The following DAP variants were observed in gnomAD, a reference collection of about 807,000 sequenced individuals.
DAP encodes the protein death-associated protein 1.
In DAP, 8 loss-of-function variants were observed where a neutral mutation model predicts 13.8. The observed-to-expected ratio is 0.58, with a 90% CI of 0.34 to 1.05. The LOEUF is 1.05. Among genes scored for constraint, DAP ranks in the 50% least tolerant of loss-of-function variants. DAP has a pLI of 0.03. For missense variants in DAP, 106 were observed against 133.2 expected (o/e 0.80, Z 1.01); for synonymous variants, 47 against 47.5 (o/e 0.99, Z 0.04).
chr5:10,723,703 G>A (rs894082927), intron 2 of DAP, among the ~76,000 whole-genome samples: 2 of 152,180 alleles, frequency 1.3e-5, no homozygotes, highest in African/African-American at 4.8e-5. Flanking sequence ...CAGGCTCCAG[G>A]CCAGATACTA....
chr5:10,696,498 T>C (rs976114984), intron 2 of DAP, among the ~76,000 whole-genome samples: 2 of 152,218 alleles, frequency 1.3e-5, no homozygotes, highest in Non-Finnish European at 2.9e-5. Context: ...GAATCTCAGT[T>C]CAGATGAGCA....
intron 2 of DAP, among the ~76,000 whole-genome samples, chr5:10,706,551 T>G (rs1396342833): frequency 6.6e-6 from 1 of 152,188 alleles, no homozygotes; most frequent in African/African-American, 2.4e-5. Flanking sequence ...TCTTGAGAAT[T>G]TATTCAAATG....
At chr5:10,740,766 C>T (rs1182496246) in intron 2 of DAP, among the ~76,000 whole-genome samples, 8 of 152,212 alleles carry the variant, frequency 5.3e-5, no homozygotes, top group Non-Finnish European at 1.0e-4. Context: ...CTCCAGCAGA[C>T]ATTTACTATC....
chr5:10,725,827 A>G (rs914670964), intron 2 of DAP, among the ~76,000 whole-genome samples: 1 of 152,216 alleles, frequency 6.6e-6, no homozygotes, highest in Non-Finnish European at 1.5e-5. Flanking sequence ...TTACTTTGGT[A>G]ATGACCTTAG....
intron 1 of DAP, among the ~76,000 whole-genome samples, chr5:10,758,559 T>C (rs1046644524): frequency 3.3e-5 from 5 of 152,224 alleles, no homozygotes; most frequent in Admixed American, 1.3e-4. Flanking sequence ...TGCCCTGAAG[T>C]TACTAGAGGA....
At chr5:10,748,791 C>T (rs762020877) in intron 1 of DAP, among the ~76,000 whole-genome samples, 3 of 152,172 alleles carry the variant, frequency 2.0e-5, no homozygotes, top group South Asian at 2.1e-4. Flanking sequence ...GAAACCCTAC[C>T]GCTGGCAGAT....
At chr5:10,756,070 C>CAGGGAGATAATTCAGGGAGAATTACA (rs1554003737) in intron 1 of DAP, among the ~76,000 whole-genome samples, 7 of 143,108 alleles carry the variant, frequency 4.9e-5, no homozygotes, top group Admixed American at 1.4e-4. Context: ...ATCTCTTGAG[C>CAGGGAGATAATTCAGGGAGAATTACA]CCAGGAGGCC....
intron 2 of DAP, among the ~76,000 whole-genome samples, chr5:10,742,114 C>T: frequency 6.6e-6 from 1 of 151,456 alleles, no homozygotes; most frequent in South Asian, 2.1e-4. Flanking sequence ...CTAGTTACCT[C>T]CTTTCTTATA....
chr5:10,686,272 G>A (rs914915383), intron 2 of DAP, among the ~76,000 whole-genome samples: 4 of 152,104 alleles, frequency 2.6e-5, no homozygotes, highest in African/African-American at 7.2e-5. Context: ...ATTGAAATTA[G>A]GGCAATTAAC....
intron 2 of DAP, among the ~76,000 whole-genome samples, chr5:10,738,464 A>C (rs553961847): frequency 2.0e-5 from 3 of 152,306 alleles, no homozygotes; most frequent in East Asian, 3.9e-4. Flanking sequence ...GATCCAATGC[A>C]TCAAGAAGGA....
intron 2 of DAP, 26 bp from the exon 3 acceptor site, chr5:10,683,597 G>A (rs1388636320): frequency 1.2e-6 from 2 of 1,612,472 alleles, no homozygotes; most frequent in South Asian, 2.2e-5. Context: ...GGAAAAGGCA[G>A]ATTTAACAAA....
chr5:10,731,288 G>A (rs1034418182), intron 2 of DAP, among the ~76,000 whole-genome samples: 1 of 151,952 alleles, frequency 6.6e-6, no homozygotes, highest in Non-Finnish European at 1.5e-5. Flanking sequence ...TCTATTGAGA[G>A]CCCTGGTGGG....
chr5:10,754,634 T>G (rs267936), intron 1 of DAP, among the ~76,000 whole-genome samples: 141,221 of 152,244 alleles, frequency 0.93, 65,841 homozygotes, highest in Non-Finnish European at 0.97. Flanking sequence ...TTGCCGGACA[T>G]CTGACTGGGC....
In DAP at chr5:10,679,634, T is replaced by C. The variant is rs7973; in HGVS notation, c.*1422A>G. 14,427 of 152,382 alleles carry C rather than the reference T, an allele frequency of 0.095. 1,015 individuals carry two copies. The highest frequency in any genetic ancestry group is 0.19 in the African/African-American group (7,880 of 41,514). The allele number at this position is 152,382 out of a possible 1,614,324, so 9.4% of individuals were successfully genotyped here. A position where few individuals can be genotyped will look rare whatever the true frequency, so the allele number is the denominator to read the frequency against. ...TACCAACTGATCAGGAAATAGGTGGTGACAGGGCCTTGAAGGGTACATGCC... is the reference window on the plus strand; with the variant it reads ...TACCAACTGATCAGGAAATAGGTGGCGACAGGGCCTTGAAGGGTACATGCC... On this transcript the variant is annotated 3_prime_UTR_variant, in exon 4 of 4. Coordinates refer to ENST00000230895, the MANE Select transcript of DAP (RefSeq NM_004394.3).
At chr5:10,736,469 C>G (rs1280674918) in intron 2 of DAP, among the ~76,000 whole-genome samples, 1 of 152,170 alleles carries the variant, frequency 6.6e-6, no homozygotes, top group Non-Finnish European at 1.5e-5. Flanking sequence ...GGCAGCCTCG[C>G]TTGCACAGAT....
intron 2 of DAP, among the ~76,000 whole-genome samples, chr5:10,692,569 C>G (rs1738332941): frequency 1.3e-5 from 2 of 152,152 alleles, no homozygotes; most frequent in Non-Finnish European, 1.5e-5. Flanking sequence ...CCACAAGCCC[C>G]CAGAACATCC....
At position 10,753,067 on chromosome 5, in the gene DAP, C is replaced by T. The variant is rs1276432504; in HGVS notation, c.56-4796G>A. ...TGTAAAGCACCTGCCCATCGTGGTG[C>T]TGACCACCACCAGGACCTCCGTCAT... On this transcript the variant is annotated intron_variant, in intron 1 of 3. Transcript: ENST00000230895. 2.0e-5 allele frequency among the ~76,000 whole-genome samples: 3 copies of T among 152,206 alleles called. No individual in the cohort carries two copies. The East Asian group carries it at 5.8e-4, about 29-fold the overall frequency.
intron 2 of DAP, chr5:10,733,642 C>G (rs916424077): frequency 2.0e-5 from 3 of 152,140 alleles, no homozygotes; most frequent in African/African-American, 7.2e-5. Flanking sequence ...GGGATATGCA[C>G]TATAAAAAAT....
At chr5:10,735,045 T>C (rs1052428033) in intron 2 of DAP, among the ~76,000 whole-genome samples, 6 of 152,210 alleles carry the variant, frequency 3.9e-5, no homozygotes, top group African/African-American at 1.2e-4. Flanking sequence ...TGACTCCATC[T>C]GGTTAACGGG....
Sources: gnomAD v4.1 joint callset for allele counts (sites outside exome capture counted in the v4.1 genomes callset) on GRCh38, gnomAD v4.1.1 for gene constraint, MANE v1.5 for transcripts, NCBI Gene and HGNC (gene_info 2026-07-23, HGNC 2026-07-21) for gene names.